IGF1R: variants seen among roughly 807,000 people sequenced by gnomAD.
IGF1R encodes insulin-like growth factor 1 receptor.
In IGF1R, 44 loss-of-function variants were observed where a neutral mutation model predicts 144.6. The ratio of observed to expected loss-of-function variants is 0.30; its 90% CI spans 0.24 to 0.39. The LOEUF (loss-of-function observed/expected upper bound fraction) is 0.39. Ranked by LOEUF, IGF1R falls within the 10% of genes least tolerant of loss-of-function variation. The pLI is 1.00. For missense variants in IGF1R, 1,355 were observed against 1,833.7 expected (o/e 0.74, Z 4.77); for synonymous variants, 795 against 722.8 (o/e 1.10, Z -1.60).
intron 2 of IGF1R, among the ~76,000 whole-genome samples, chr15:98,857,016 AT>A (rs940114384): frequency 1.0e-3 from 146 of 145,514 alleles, no homozygotes; most frequent in Admixed American, 8.9e-4. Context: ...TGGGTGAGAG[AT>A]TTTTTTTTTT....
At chr15:98,689,298 G>A (rs1427122619) in intron 1 of IGF1R, among the ~76,000 whole-genome samples, 1 of 148,580 alleles carries the variant, frequency 6.7e-6, no homozygotes, top group Non-Finnish European at 1.5e-5. Flanking sequence ...GGGTGCAGTG[G>A]CGTGATCTCA....
rs1374055382 is a variant in IGF1R, at chr15:98,707,106, C to T, written c.95-456C>T. On this transcript the variant is annotated intron_variant, in intron 1 of 20. Coordinates refer to ENST00000650285, the MANE Select transcript of IGF1R (RefSeq NM_000875.5). This position sits in a 1 kb window ranked among gnomAD's most constrained non-coding sequence, Gnocchi z 6.7. ...TCCAGTGTAGAGTAGATTGATTGCC[C>T]TGTGTCCTTCAGGCAGGGTGCAGTA... Among the ~76,000 whole-genome samples the T allele has an allele frequency of 6.6e-6, 1 of 152,160 alleles. No individual in the cohort carries two copies. The highest frequency in any genetic ancestry group is 2.4e-5 in the African/African-American group (1 of 41,432).
chr15:98,741,858 C>G (rs1467282329), intron 2 of IGF1R, among the ~76,000 whole-genome samples: 3 of 152,190 alleles, frequency 2.0e-5, no homozygotes, highest in Non-Finnish European at 4.4e-5. Flanking sequence ...AGTAATAAAA[C>G]TGTAGGCAGT....
intron 1 of IGF1R, chr15:98,660,145 T>G (rs1054749681): frequency 6.6e-6 from 1 of 152,260 alleles, no homozygotes; most frequent in Non-Finnish European, 1.5e-5. Flanking sequence ...TGTTTGGCTG[T>G]CTGAGAGAGA....
intron 2 of IGF1R, among the ~76,000 whole-genome samples, chr15:98,746,955 T>C (rs1364984520): frequency 6.6e-6 from 1 of 152,232 alleles, no homozygotes; most frequent in Non-Finnish European, 1.5e-5. Flanking sequence ...TCATATCTCT[T>C]GAGTTGAACC....
At chr15:98,813,720 T>G (rs574477033) in intron 2 of IGF1R, among the ~76,000 whole-genome samples, 11 of 152,230 alleles carry the variant, frequency 7.2e-5, no homozygotes, top group Admixed American at 5.9e-4. Context: ...CCAGAATAGG[T>G]GAGGATGAAG....
At chr15:98,753,952 G>A (rs1374102544) in intron 2 of IGF1R, among the ~76,000 whole-genome samples, 1 of 152,138 alleles carries the variant, frequency 6.6e-6, no homozygotes, top group Non-Finnish European at 1.5e-5. Context: ...CCTCCTCTGG[G>A]ACAGATCTGC....
In IGF1R at chr15:98,935,114, C is replaced by T; in HGVS notation, c.3186+61C>T. 7.3e-7 allele frequency: 1 copy of T among 1,376,354 alleles called. No homozygotes were observed. Among genetic ancestry groups the T allele is most frequent in the Non-Finnish European group, 1.0e-6 (1 of 967,994 alleles). 85.3% of individuals were successfully genotyped at this position (1,376,354 alleles called of 1,614,324 possible). ...CAGGGAGAGGGTATCACACAAGCCT[C>T]CCAGTATGTTCTTGGCTGCATGTAC... is the stretch of plus-strand genomic sequence containing the variant. On this transcript the variant is annotated intron_variant, in intron 16 of 20. Coordinates refer to ENST00000650285, the MANE Select transcript of IGF1R (RefSeq NM_000875.5). This position sits in a 1 kb window ranked among gnomAD's most constrained non-coding sequence, Gnocchi z 4.2.
intron 15 of IGF1R, among the ~76,000 whole-genome samples, chr15:98,932,134 A>G (rs1043503470): frequency 2.0e-5 from 3 of 152,198 alleles, no homozygotes; most frequent in Non-Finnish European, 2.9e-5. Context: ...GGTGACTTGA[A>G]TTCACATTTT....
intron 2 of IGF1R, among the ~76,000 whole-genome samples, chr15:98,760,144 A>G (rs928386933): frequency 6.6e-5 from 10 of 151,886 alleles, no homozygotes; most frequent in Admixed American, 6.6e-4. Flanking sequence ...ATTTGAGACC[A>G]TCCTGGCCAA....
In IGF1R at chr15:98,923,720, C is replaced by T. The variant is rs944592360; in HGVS notation, c.2486-156C>T. On this transcript the variant is annotated intron_variant, in intron 11 of 20. Coordinates refer to ENST00000650285, the MANE Select transcript of IGF1R (RefSeq NM_000875.5). Reference sequence around the variant, plus strand: ...AGTGTACGTGGCTGATCTCCACTGTCCTGCCCGCGTGGATGGGGGCGTTAT... The same window carrying T: ...AGTGTACGTGGCTGATCTCCACTGTTCTGCCCGCGTGGATGGGGGCGTTAT... The T allele has an allele frequency of 2.2e-5, 15 of 679,854 alleles. No homozygotes were observed. The African/African-American group carries it at 2.5e-4, about 11-fold the overall frequency. 42.1% of individuals were successfully genotyped at this position (679,854 alleles called of 1,614,324 possible).
intron 11 of IGF1R, 30 bp from the exon 12 acceptor site, chr15:98,923,846 C>G: frequency 6.2e-7 from 1 of 1,610,584 alleles, no homozygotes; most frequent in South Asian, 1.1e-5. Context: ...GAACCCAAAT[C>G]CAACTTTGTC....
chr15:98,884,544 A>C (rs988696149), intron 2 of IGF1R, among the ~76,000 whole-genome samples: 28 of 151,998 alleles, frequency 1.8e-4, no homozygotes, highest in African/African-American at 6.8e-4. Flanking sequence ...AATACAAAAA[A>C]TTAGCTGGGC....
chr15:98,672,849 G>A (rs2052932698), intron 1 of IGF1R, among the ~76,000 whole-genome samples: 1 of 152,096 alleles, frequency 6.6e-6, no homozygotes, highest in Non-Finnish European at 1.5e-5. Context: ...AGTGAATCTG[G>A]TGAAACTTAA....
Position 98,689,233 on chromosome 15 carries a change from A to AC in IGF1R, c.95-18328dup, listed in dbSNP as rs1331497147. On this transcript the variant is annotated intron_variant, in intron 1 of 20. Coordinates refer to ENST00000650285, the MANE Select transcript of IGF1R (RefSeq NM_000875.5). ...ACAAGCAGCTTTGGACAGTTGCACT[A>AC]CTTTTTTTTTTTTTTTTTTTTTTTT... Among the ~76,000 whole-genome samples the AC allele has an allele frequency of 4.7e-5, 6 of 129,022 alleles. No individual in the cohort carries two copies. The East Asian group carries it at 7.0e-4, about 15-fold the overall frequency. The allele number at this position is 129,022 out of a possible 152,430, so 84.6% of individuals were successfully genotyped here.
intron 20 of IGF1R, among the ~76,000 whole-genome samples, 183 bp from the exon 21 acceptor site, chr15:98,956,878 G>A (rs1222937179): frequency 6.6e-6 from 1 of 152,198 alleles, no homozygotes; most frequent in East Asian, 1.9e-4. Context: ...AGGTAAAACA[G>A]GAGACTCTGA....
intron 2 of IGF1R, among the ~76,000 whole-genome samples, chr15:98,764,442 C>T (rs2055384909): frequency 6.6e-6 from 1 of 152,050 alleles, no homozygotes; most frequent in South Asian, 2.1e-4. Flanking sequence ...GTAACACACA[C>T]AGAATGTTGG....
At chr15:98,857,476 T>G (rs1428053939) in intron 2 of IGF1R, among the ~76,000 whole-genome samples, 2 of 152,178 alleles carry the variant, frequency 1.3e-5, no homozygotes, top group Non-Finnish European at 2.9e-5. Flanking sequence ...ACCTCGGCTT[T>G]CCAAAGTGCT....
At chr15:98,884,656 G>A (rs543355636) in intron 2 of IGF1R, among the ~76,000 whole-genome samples, 332 of 133,922 alleles carry the variant, frequency 2.5e-3, no homozygotes, top group Non-Finnish European at 4.0e-3. Flanking sequence ...CTGCACTCCA[G>A]CCTGGTGACA....
Sources: allele counts gnomAD v4.1 joint callset (sites outside exome capture counted in the v4.1 genomes callset), GRCh38; gene constraint gnomAD v4.1.1; non-coding constraint Gnocchi (gnomAD v3.1); transcripts MANE v1.5; gene names NCBI Gene and HGNC (gene_info 2026-07-23, HGNC 2026-07-21).